HOOK1: variants seen among roughly 807,000 people sequenced by gnomAD.
HOOK1 encodes the protein hook microtubule tethering protein 1.
Under a neutral mutation model 112.8 loss-of-function variants are expected in HOOK1, and 60 were observed. The observed-to-expected ratio is 0.53, with a 90% CI of 0.43 to 0.66. The LOEUF (loss-of-function observed/expected upper bound fraction) is 0.66, where lower values mean the gene tolerates loss of function less well. Among genes scored for constraint, HOOK1 ranks in the 30% least tolerant of loss-of-function variants. The pLI is 0.00. For synonymous variants in HOOK1, 294 were observed against 283.8 expected, an observed-to-expected ratio of 1.04 and a Z score of -0.36; for missense variants, 770 against 856.0, an observed-to-expected ratio of 0.90 and a Z score of 1.25.
intron 12 of HOOK1, among the ~76,000 whole-genome samples, chr1:59,854,028 ATATATATATATTTTTTTTTTT>A (rs2098408947): frequency 8.5e-5 from 2 of 23,404 alleles, no homozygotes; most frequent in African/African-American, 2.1e-4. Flanking sequence ...ATATATATAT[ATATATATATATTTTTTTTTTT>A]TTTTTTTTTT....
chr1:59,835,802 A>G (rs1362207633), intron 6 of HOOK1, among the ~76,000 whole-genome samples: 2 of 152,052 alleles, frequency 1.3e-5, no homozygotes, highest in East Asian at 3.9e-4. Flanking sequence ...AAGCGTTCAC[A>G]GTGGGGTTTT....
chr1:59,824,721 A>G (rs137912384), intron 2 of HOOK1, among the ~76,000 whole-genome samples: 5 of 152,218 alleles, frequency 3.3e-5, no homozygotes, highest in Non-Finnish European at 2.9e-5. Context: ...ACTTAGACAT[A>G]AAGAGTCATG....
At chr1:59,854,288 G>A (rs2098409381) in intron 12 of HOOK1, among the ~76,000 whole-genome samples, 1 of 151,056 alleles carries the variant, frequency 6.6e-6, no homozygotes, top group Non-Finnish European at 1.5e-5. Context: ...CTGACCTTGT[G>A]ACCCACCTGC....
chr1:59,870,755 G>A (rs1644043458), intron 20 of HOOK1: 4 of 220,858 alleles, frequency 1.8e-5, no homozygotes, highest in Non-Finnish European at 3.6e-5. Context: ...TCTAGATATG[G>A]TGGGCAGTAG....
chr1:59,867,401 AT>A (rs1319953279), intron 19 of HOOK1, among the ~76,000 whole-genome samples: 2 of 152,166 alleles, frequency 1.3e-5, no homozygotes, highest in Non-Finnish European at 2.9e-5. Context: ...TCAATAAATG[AT>A]TTTTGGATGA....
chr1:59,831,821 T>A (rs796771532), intron 3 of HOOK1, among the ~76,000 whole-genome samples: 15 of 152,328 alleles, frequency 9.8e-5, no homozygotes, highest in African/African-American at 3.6e-4. Flanking sequence ...AAACAATTGT[T>A]TAATGTATTT....
intron 3 of HOOK1, among the ~76,000 whole-genome samples, 193 bp downstream of exon 3, chr1:59,829,045 G>A (rs749339462): frequency 1.3e-5 from 2 of 152,022 alleles, no homozygotes; most frequent in African/African-American, 2.4e-5. Flanking sequence ...CCAAAAATAT[G>A]CACTTCAGGC....
rs1643938816 is a variant in HOOK1 at position 59,865,183 on chromosome 1, A to G, written c.1682A>G (p.His561Arg). 2.5e-6 allele frequency: 4 copies of G among 1,606,302 alleles called. No individual in the cohort carries two copies. Among genetic ancestry groups the G allele is most frequent in the Non-Finnish European group, 3.4e-6 (4 of 1,172,950 alleles). The change falls in exon 18 of 22, where the codon CAT becomes CGT. Residue 561 changes from histidine to arginine, a missense_variant. Around this residue, in one of 3 missense-constraint regions of HOOK1, gnomAD observed 655 missense variants for 725.9 expected, o/e 0.90. Coordinates refer to ENST00000371208, the MANE Select transcript of HOOK1 (RefSeq NM_015888.6). The stretch of plus-strand genomic sequence containing the variant: ...CTTAGGGAAAAACTCACAGAGGTCC[A>G]TGAAGAATTACAGAAGAAACAAGAA... ...EAHMEKLTEVHEELQKKQELI... is the reference protein window; with the variant it reads ...EAHMEKLTEVREELQKKQELI...
intron 5 of HOOK1, among the ~76,000 whole-genome samples, chr1:59,834,544 T>C (rs2098396212): frequency 6.6e-6 from 1 of 152,156 alleles, no homozygotes; most frequent in South Asian, 2.1e-4. Context: ...GTTAAAGATC[T>C]GTATATTGGG....
intron 20 of HOOK1, among the ~76,000 whole-genome samples, chr1:59,868,561 T>C (rs1644006076): frequency 1.3e-5 from 2 of 152,232 alleles, no homozygotes; most frequent in Admixed American, 1.3e-4. Flanking sequence ...TGCAGCGTTG[T>C]AGTTGTAGCT....
chr1:59,850,328 A>G (rs1206250215), intron 12 of HOOK1, among the ~76,000 whole-genome samples: 1 of 150,802 alleles, frequency 6.6e-6, no homozygotes, highest in Non-Finnish European at 1.5e-5. Context: ...TTATCATCTC[A>G]CTTTCTTGAT....
intron 1 of HOOK1, among the ~76,000 whole-genome samples, chr1:59,821,331 A>G: frequency 6.6e-6 from 1 of 152,244 alleles, no homozygotes; most frequent in Non-Finnish European, 1.5e-5. Flanking sequence ...ACTTGACGTG[A>G]TAGATAGGGC....
rs200581823 is a variant in HOOK1, at chr1:59,861,725, A to AACT, written c.1533-1054_1533-1052dup. Among the ~76,000 whole-genome samples the AACT allele has an allele frequency of 4.6e-3, 706 of 152,224 alleles. 3 individuals are homozygous for AACT. Among genetic ancestry groups the AACT allele is most frequent in the Admixed American group, 0.01 (160 of 15,290 alleles). On this transcript the variant is annotated intron_variant, in intron 15 of 21. Coordinates refer to ENST00000371208, the MANE Select transcript of HOOK1 (RefSeq NM_015888.6). ...ATCTGATTACTGAGTCTTTACTCCT[A>AACT]ACTACTATGGTAACTTCCCTGTTAT...
chr1:59,867,208 A>C (rs536130593), intron 19 of HOOK1, among the ~76,000 whole-genome samples: 4 of 152,342 alleles, frequency 2.6e-5, no homozygotes, highest in Non-Finnish European at 5.9e-5. Context: ...AATTCAGAAA[A>C]TATACAAATC....
chr1:59,858,025 T>G (rs554170062), intron 12 of HOOK1, among the ~76,000 whole-genome samples: 3 of 152,348 alleles, frequency 2.0e-5, no homozygotes, highest in Non-Finnish European at 4.4e-5. Flanking sequence ...TTGCAAGGGT[T>G]TATGTATCAG....
Position 59,860,245 on chromosome 1 carries a change from C to T in HOOK1, c.1449C>T (p.Gly483=), listed in dbSNP as rs771575063. Residue 483 remains glycine (G), a synonymous_variant, in exon 15 of 22, where the codon GGC becomes GGT. Coordinates refer to ENST00000371208, the MANE Select transcript of HOOK1 (RefSeq NM_015888.6). ...ENKMLRLQQE[G]SENERIEELQ... ...AGATGCTTCGCTTACAGCAAGAAGG[C>T]TCTGAGAATGAACGTATTGAGGAAC... 1 of 1,610,302 alleles carries T rather than the reference C, an allele frequency of 6.2e-7. No individual in the cohort carries two copies. Among genetic ancestry groups the T allele is most frequent in the East Asian group, 2.2e-5 (1 of 44,686 alleles).
intron 2 of HOOK1, among the ~76,000 whole-genome samples, chr1:59,825,408 T>C (rs1490496321): frequency 2.6e-5 from 4 of 152,226 alleles, no homozygotes; most frequent in African/African-American, 7.2e-5. Flanking sequence ...ACAGATAATG[T>C]AGGATATTCA....
At chr1:59,815,283 C>A in intron 1 of HOOK1, 103 bp downstream of exon 1, 1 of 1,091,222 alleles carries the variant, frequency 9.2e-7, no homozygotes, top group South Asian at 1.5e-5. Flanking sequence ...GCACAGGGTC[C>A]CGGCGCACCC....
rs74085822 is a variant in HOOK1 at position 59,856,639 on chromosome 1, G to A, written c.1243-1789G>A. Among the ~76,000 whole-genome samples, 209 of 151,938 alleles carry A rather than the reference G, an allele frequency of 1.4e-3. 1 individual carries two copies. Among genetic ancestry groups the A allele is most frequent in the African/African-American group, 4.9e-3 (204 of 41,452 alleles). ...TGTTTGTTTTTTTAAGTGACTTTTT[G>A]GGACTAATTCTGTAAAGCCCACATT... On this transcript the variant is annotated intron_variant, in intron 12 of 21. Coordinates refer to ENST00000371208, the MANE Select transcript of HOOK1 (RefSeq NM_015888.6).
Sources: gnomAD v4.1 joint callset for allele counts (sites outside exome capture counted in the v4.1 genomes callset) on GRCh38, gnomAD v4.1.1 for gene constraint, gnomAD v4.1.1 regional missense constraint, MANE v1.5 for transcripts, NCBI Gene and HGNC (gene_info 2026-07-23, HGNC 2026-07-21) for gene names.